DMD: variants seen among roughly 807,000 people sequenced by gnomAD.
DMD encodes the protein mutant dystrophin.
DMD carries 63 observed loss-of-function variants against 330.1 expected under a neutral mutation model. That is an observed-to-expected ratio of 0.19 (90% CI 0.16 to 0.24). DMD has a LOEUF of 0.24. Among genes scored for constraint, DMD ranks in the 10% least tolerant of loss-of-function variants. The pLI is 1.00. For missense variants in DMD, 3,344 were observed against 2,684.1 expected (o/e 1.25, Z -5.43); for synonymous variants, 1,223 against 959.8 (o/e 1.27, Z -5.07).
intron 74 of DMD, among the ~76,000 whole-genome samples, chrX:31,167,035 G>C (rs1185539452): frequency 8.9e-6 from 1 of 111,893 alleles, no homozygotes. Flanking sequence ...TAGATGAACA[G>C]GTTTATTCCG....
At chrX:32,561,205 T>A (rs2050960644) in intron 16 of DMD, among the ~76,000 whole-genome samples, 1 of 111,368 alleles carries the variant, frequency 9.0e-6, no homozygotes, top group African/African-American at 3.3e-5. Context: ...ATAACAAACT[T>A]CCCTGAGCTA....
At chrX:33,176,542 G>A (rs1011446696) in intron 1 of DMD, among the ~76,000 whole-genome samples, 1 of 93,944 alleles carries the variant, frequency 1.1e-5, no homozygotes, top group East Asian at 3.2e-4. Context: ...TTGCAGCCAC[G>A]AAAAAGCAAG....
intron 43 of DMD, among the ~76,000 whole-genome samples, chrX:32,222,538 G>GA (rs1304258574): frequency 8.9e-6 from 1 of 111,962 alleles, no homozygotes; most frequent in Non-Finnish European, 1.9e-5. Context: ...GATTAACCAA[G>GA]AAAAAAAGAG....
intron 55 of DMD, among the ~76,000 whole-genome samples, chrX:31,520,644 AT>A (rs1261254507): frequency 9.0e-6 from 1 of 111,026 alleles, no homozygotes; most frequent in Non-Finnish European, 1.9e-5. Context: ...GGTCCAGGGT[AT>A]TTTTTGTGTC....
chrX:32,293,150 C>T (rs1176013503), intron 42 of DMD, among the ~76,000 whole-genome samples: 1 of 112,366 alleles, frequency 8.9e-6, no homozygotes, highest in Non-Finnish European at 1.9e-5. Context: ...AAAGAAAGAA[C>T]AAGCCAACAC....
chrX:32,055,734 T>C (rs2096166572), intron 44 of DMD, among the ~76,000 whole-genome samples: 1 of 111,792 alleles, frequency 8.9e-6, no homozygotes, highest in African/African-American at 3.2e-5. Flanking sequence ...CCAATCAATT[T>C]TGGAACATAA....
chrX:32,437,330 C>T (rs987796399), intron 29 of DMD, among the ~76,000 whole-genome samples: 1 of 111,842 alleles, frequency 8.9e-6, no homozygotes, highest in African/African-American at 3.2e-5. Context: ...TACTTCTCTT[C>T]AGAATTGGAT....
At position 31,569,125 on chromosome X, in the gene DMD, T is replaced by C. The variant is rs1017401587; in HGVS notation, c.8217+58548A>G. Among the ~76,000 whole-genome samples the C allele has an allele frequency of 2.7e-5, 3 of 110,927 alleles. 1 individual carries two copies. Among genetic ancestry groups the C allele is most frequent in the Non-Finnish European group, 3.8e-5 (2 of 52,730 alleles). Reference sequence around the variant, plus strand: ...TGTTAAAGTTTTCACTTCAAACTTATGGTAAATAGGATAGTCTATTATTTT... The same window carrying C: ...TGTTAAAGTTTTCACTTCAAACTTACGGTAAATAGGATAGTCTATTATTTT... On this transcript the variant is annotated intron_variant, in intron 55 of 78. Transcript: ENST00000357033.
chrX:32,804,208 G>A (rs779718597), intron 7 of DMD, among the ~76,000 whole-genome samples: 38 of 112,038 alleles, frequency 3.4e-4, no homozygotes, highest in African/African-American at 1.2e-3. Context: ...ACGGAGCCCA[G>A]CAAGCTGAGA....
intron 44 of DMD, among the ~76,000 whole-genome samples, chrX:32,040,383 T>G (rs1189908162): frequency 8.9e-6 from 1 of 112,310 alleles, no homozygotes; most frequent in Non-Finnish European, 1.9e-5. Flanking sequence ...TTCTATTTGG[T>G]TCACTGGCCC....
At chrX:32,879,039 A>ACAAAAAACAAAC (rs754417615) in intron 2 of DMD, among the ~76,000 whole-genome samples, 6 of 99,730 alleles carry the variant, frequency 6.0e-5, no homozygotes, top group African/African-American at 1.4e-4. Flanking sequence ...AAACAAACAA[A>ACAAAAAACAAAC]AAAAAAACAA....
chrX:33,323,858 ATCT>A (rs2048887737), intron 1 of DMD, among the ~76,000 whole-genome samples: 1 of 110,830 alleles, frequency 9.0e-6, no homozygotes, highest in South Asian at 3.8e-4. Context: ...ATCACTTTCT[ATCT>A]TCTTTATTCT....
In DMD at chrX:32,816,565, G is replaced by T. The variant is rs128626235; in HGVS notation, c.433C>A (p.Arg145=). ...TGTGGATAATTACGAGTTGATTGTC[G>T]GACCCAGCTCAGGAGAATCTTTTCA... ...NSEKILLSWV[R]QSTRNYPQVN... is the part of the protein sequence containing the mutation. The change falls in exon 6 of 79, where the codon CGA becomes AGA. Residue 145 remains arginine (R), a synonymous_variant. Transcript: ENST00000357033. 3 of 1,209,473 alleles carry T rather than the reference G, an allele frequency of 2.5e-6. No individual in the cohort carries two copies. The highest frequency in any genetic ancestry group is 3.4e-6 in the Non-Finnish European group (3 of 894,780).
intron 61 of DMD, among the ~76,000 whole-genome samples, chrX:31,335,141 A>C (rs1400922298): frequency 8.9e-6 from 1 of 112,377 alleles, no homozygotes; most frequent in Non-Finnish European, 1.9e-5. Context: ...CACAATAAAT[A>C]AACTTTGTTT....
intron 57 of DMD, among the ~76,000 whole-genome samples, chrX:31,490,582 A>G (rs2046525067): frequency 8.9e-6 from 1 of 112,114 alleles, no homozygotes; most frequent in South Asian, 3.7e-4. Flanking sequence ...AAAATAAATA[A>G]AAAGAAAAGA....
intron 2 of DMD, among the ~76,000 whole-genome samples, chrX:32,861,438 G>A (rs1167429004): frequency 8.9e-6 from 1 of 111,840 alleles, no homozygotes; most frequent in Admixed American, 9.5e-5. Flanking sequence ...ACCTGGAGGT[G>A]GAGAATGACA....
At chrX:31,169,213 A>T (rs923531768) in intron 74 of DMD, among the ~76,000 whole-genome samples, 2 of 110,967 alleles carry the variant, frequency 1.8e-5, no homozygotes, top group African/African-American at 3.3e-5. Context: ...CATCAGCATT[A>T]ACTCCTTCAC....
At chrX:32,447,416 A>T (rs1221263520) in intron 27 of DMD, among the ~76,000 whole-genome samples, 1 of 111,188 alleles carries the variant, frequency 9.0e-6, no homozygotes, top group Non-Finnish European at 1.9e-5. Context: ...ATGAGTAAAG[A>T]AGAGCTTAGA....
intron 62 of DMD, among the ~76,000 whole-genome samples, chrX:31,296,779 A>G (rs1380112414): frequency 8.9e-6 from 1 of 112,072 alleles, no homozygotes; most frequent in Non-Finnish European, 1.9e-5. Context: ...TCTGACTGGT[A>G]GAACTTTCTT....
Sources: allele counts gnomAD v4.1 joint callset (sites outside exome capture counted in the v4.1 genomes callset), GRCh38; gene constraint gnomAD v4.1.1; transcripts MANE v1.5; gene names NCBI Gene and HGNC (gene_info 2026-07-23, HGNC 2026-07-21).